CSMD1: variants seen among roughly 807,000 people sequenced by gnomAD.
CSMD1 encodes CUB and Sushi multiple domains 1, also known as CUB and sushi domain-containing protein 1.
CSMD1 carries 213 observed loss-of-function variants against 417.5 expected under a neutral mutation model. The ratio of observed to expected loss-of-function variants is 0.51; its 90% CI spans 0.46 to 0.57. The LOEUF is 0.57. Among genes scored for constraint, CSMD1 ranks in the 20% least tolerant of loss-of-function variants. CSMD1 has a pLI of 0.00. For missense variants in CSMD1, 6,923 were observed against 4,529.7 expected (o/e 1.53, Z -15.17); for synonymous variants, 2,862 against 1,736.8 (o/e 1.65, Z -16.11).
chr8:4,904,516 T>A (rs1160993414), intron 1 of CSMD1, among the ~76,000 whole-genome samples: 1 of 152,134 alleles, frequency 6.6e-6, no homozygotes, highest in Non-Finnish European at 1.5e-5. Flanking sequence ...CCTACTACCC[T>A]TTCCAGGTCC....
chr8:3,485,565 G>GAGAGA (rs1817982201), intron 11 of CSMD1, among the ~76,000 whole-genome samples: 1 of 116,588 alleles, frequency 8.6e-6, no homozygotes, highest in South Asian at 2.9e-4. Context: ...AGAGAGAGAG[G>GAGAGA]GAGAGAGAGA....
intron 1 of CSMD1, among the ~76,000 whole-genome samples, chr8:4,956,423 A>G (rs916797298): frequency 1.3e-5 from 2 of 149,336 alleles, no homozygotes; most frequent in Non-Finnish European, 3.0e-5. Context: ...TATAAAATTC[A>G]TATGTGCATA....
At chr8:3,958,284 G>C (rs1305535467) in intron 5 of CSMD1, among the ~76,000 whole-genome samples, 1 of 149,556 alleles carries the variant, frequency 6.7e-6, no homozygotes, top group Non-Finnish European at 1.5e-5. Flanking sequence ...TTTTTGTGGG[G>C]ATGTGGAAAA....
intron 1 of CSMD1, among the ~76,000 whole-genome samples, chr8:4,645,749 C>T (rs926004986): frequency 2.6e-5 from 4 of 152,084 alleles, no homozygotes; most frequent in Admixed American, 6.5e-5. Flanking sequence ...GAGAATTTTA[C>T]GTGAAAGATG....
chr8:4,706,989 G>T (rs1231780232), intron 1 of CSMD1, among the ~76,000 whole-genome samples: 3 of 152,202 alleles, frequency 2.0e-5, no homozygotes, highest in Non-Finnish European at 4.4e-5. Context: ...ACAAAGTCAT[G>T]AAGGACCTTT....
chr8:3,693,109 G>C (rs1045554416), intron 7 of CSMD1, among the ~76,000 whole-genome samples: 2 of 152,150 alleles, frequency 1.3e-5, no homozygotes, highest in Non-Finnish European at 2.9e-5. Flanking sequence ...TCAATACATA[G>C]AGATAAATAG....
At chr8:4,840,516 G>A (rs969468542) in intron 1 of CSMD1, among the ~76,000 whole-genome samples, 3 of 152,228 alleles carry the variant, frequency 2.0e-5, no homozygotes, top group African/African-American at 7.2e-5. Context: ...TTATGGTGGT[G>A]AGACTTGCTG....
intron 1 of CSMD1, among the ~76,000 whole-genome samples, chr8:4,663,875 A>G (rs1804759365): frequency 1.3e-5 from 2 of 152,202 alleles, no homozygotes; most frequent in South Asian, 2.1e-4. Context: ...GGGCTGGATC[A>G]GGAAAAGCAT....
chr8:4,488,943 G>A (rs1290333012), intron 2 of CSMD1, among the ~76,000 whole-genome samples: 2 of 152,070 alleles, frequency 1.3e-5, no homozygotes, highest in East Asian at 1.9e-4. Flanking sequence ...ACTGAGTCTT[G>A]CTCTTTCACC....
intron 1 of CSMD1, among the ~76,000 whole-genome samples, chr8:4,835,642 GAA>G: frequency 1.3e-5 from 2 of 152,274 alleles, no homozygotes; most frequent in Admixed American, 1.3e-4. Flanking sequence ...GTGATGAAAT[GAA>G]AGACATCGGT....
chr8:4,613,060 G>T (rs1585330826), intron 2 of CSMD1, among the ~76,000 whole-genome samples: 5 of 152,058 alleles, frequency 3.3e-5, no homozygotes, highest in Admixed American at 3.3e-4. Context: ...GCATTTGGTG[G>T]CTGGTTTTCC....
At chr8:3,741,735 G>C (rs1444017029) in intron 6 of CSMD1, among the ~76,000 whole-genome samples, 1 of 152,132 alleles carries the variant, frequency 6.6e-6, no homozygotes, top group Non-Finnish European at 1.5e-5. Flanking sequence ...TACTGAGAAA[G>C]AAGAAAATAC....
At chr8:4,497,054 C>A (rs919168711) in intron 2 of CSMD1, among the ~76,000 whole-genome samples, 39 of 152,172 alleles carry the variant, frequency 2.6e-4, no homozygotes, top group African/African-American at 9.2e-4. Flanking sequence ...GTCTCTTTCT[C>A]CTGCTTCTGT....
At chr8:3,081,942 A>G (rs780432652) in intron 49 of CSMD1, among the ~76,000 whole-genome samples, 1 of 152,122 alleles carries the variant, frequency 6.6e-6, no homozygotes, top group Non-Finnish European at 1.5e-5. Flanking sequence ...GTCAAAATCA[A>G]TTTCATGAAG....
intron 1 of CSMD1, among the ~76,000 whole-genome samples, chr8:4,687,848 C>G (rs1293500935): frequency 1.3e-5 from 2 of 151,952 alleles, no homozygotes; most frequent in African/African-American, 4.8e-5. Context: ...CACACACACA[C>G]ACACACACAC....
At chr8:4,506,507 G>A (rs1022730835) in intron 2 of CSMD1, among the ~76,000 whole-genome samples, 4 of 152,156 alleles carry the variant, frequency 2.6e-5, no homozygotes, top group Non-Finnish European at 5.9e-5. Flanking sequence ...AATGGCGGAT[G>A]GCAGGAGGCG....
At position 4,560,925 on chromosome 8, in the gene CSMD1, C is replaced by A. The variant is rs79669823; in HGVS notation, c.302+76417G>T. Among the ~76,000 whole-genome samples the A allele has an allele frequency of 0.015, 2,324 of 152,248 alleles. 194 individuals are homozygous for A. In the East Asian group the frequency reaches 0.23, roughly 15 times the overall value. On this transcript the variant is annotated intron_variant, in intron 2 of 69. Transcript: ENST00000635120. ...CAAACAGGTTCACTTATCAAAGATC[C>A]GTTTTCTCTATTACATTTTCTATGG...
intron 2 of CSMD1, among the ~76,000 whole-genome samples, chr8:4,421,684 G>C (rs1250385813): frequency 6.6e-6 from 1 of 151,896 alleles, no homozygotes; most frequent in African/African-American, 2.4e-5. Flanking sequence ...ACTCAGCTAA[G>C]CAGTGCTGAG....
chr8:4,866,140 C>G (rs1024024535), intron 1 of CSMD1, among the ~76,000 whole-genome samples: 4 of 151,902 alleles, frequency 2.6e-5, no homozygotes, highest in Non-Finnish European at 5.9e-5. Context: ...TTATGTCATC[C>G]TATGCTGCAA....
Sources: gnomAD v4.1 joint callset for allele counts (sites outside exome capture counted in the v4.1 genomes callset) on GRCh38, gnomAD v4.1.1 for gene constraint, MANE v1.5 for transcripts, NCBI Gene and HGNC (gene_info 2026-07-23, HGNC 2026-07-21) for gene names.